NKAIN2: variants seen among roughly 807,000 people sequenced by gnomAD.
NKAIN2 encodes sodium/potassium transporting ATPase interacting 2.
In NKAIN2, 14 loss-of-function variants were observed where a neutral mutation model predicts 32.6. The observed-to-expected ratio is 0.43, with a 90% CI of 0.28 to 0.67. The LOEUF (loss-of-function observed/expected upper bound fraction) is 0.67, where lower values mean the gene tolerates loss of function less well. NKAIN2 is among the 30% of genes least tolerant of loss of function. The pLI is 0.17. For synonymous variants in NKAIN2, 80 were observed against 87.2 expected, an observed-to-expected ratio of 0.92 and a Z score of 0.46; for missense variants, 198 against 258.3, an observed-to-expected ratio of 0.77 and a Z score of 1.60.
chr6:124,424,834 A>T lies in NKAIN2; in HGVS notation c.273+69487A>T, dbSNP rs143807422. Among the ~76,000 whole-genome samples, 849 of 152,242 alleles carry T rather than the reference A, an allele frequency of 5.6e-3. 1 individual carries two copies. Among genetic ancestry groups the T allele is most frequent in the Middle Eastern group, 0.02 (6 of 294 alleles). On this transcript the variant is annotated intron_variant, in intron 3 of 6. Transcript: ENST00000368417. ...TATGATGCACACAGCTTATTTCCTT[A>T]TCTTGGCTATTGTGAATAATACTGC...
At chr6:124,662,817 C>A (rs1784796290) in intron 4 of NKAIN2, among the ~76,000 whole-genome samples, 1 of 152,092 alleles carries the variant, frequency 6.6e-6, no homozygotes, top group Non-Finnish European at 1.5e-5. Context: ...CTGTTTGATG[C>A]CTCTTTTAAT....
intron 3 of NKAIN2, among the ~76,000 whole-genome samples, chr6:124,369,559 C>T (rs1410398801): frequency 6.6e-6 from 1 of 152,088 alleles, no homozygotes; most frequent in Admixed American, 6.6e-5. Flanking sequence ...GTTTTCAGCT[C>T]ATCAGCTATA....
At chr6:123,977,334 A>G (rs751178889) in intron 1 of NKAIN2, among the ~76,000 whole-genome samples, 7 of 152,164 alleles carry the variant, frequency 4.6e-5, no homozygotes, top group Non-Finnish European at 8.8e-5. Context: ...TCACTTGAAC[A>G]CAGGAATTTG....
At chr6:124,184,657 T>A (rs1398226652) in intron 1 of NKAIN2, among the ~76,000 whole-genome samples, 1 of 152,194 alleles carries the variant, frequency 6.6e-6, no homozygotes, top group Non-Finnish European at 1.5e-5. Flanking sequence ...ATTGATTGAT[T>A]TAATTCTGGG....
At chr6:124,261,883 T>A (rs181734876) in intron 1 of NKAIN2, among the ~76,000 whole-genome samples, 1,728 of 144,008 alleles carry the variant, frequency 0.012, 32 homozygotes, top group South Asian at 0.043. Flanking sequence ...AAAAAAAAAA[T>A]TTTGAAATGG....
chr6:124,641,015 C>T (rs1783966252), intron 3 of NKAIN2, among the ~76,000 whole-genome samples: 5 of 152,160 alleles, frequency 3.3e-5, no homozygotes, highest in Admixed American at 3.3e-4. Flanking sequence ...ATATGCACTT[C>T]TTGAGAAGGA....
chr6:124,732,634 G>A (rs1776739346), intron 4 of NKAIN2, among the ~76,000 whole-genome samples: 1 of 151,948 alleles, frequency 6.6e-6, no homozygotes, highest in African/African-American at 2.4e-5. Flanking sequence ...AATAGAACTG[G>A]TGAAATCTGA....
At chr6:124,239,043 G>C (rs1169311249) in intron 1 of NKAIN2, among the ~76,000 whole-genome samples, 1 of 151,988 alleles carries the variant, frequency 6.6e-6, no homozygotes. Context: ...ACACACATAG[G>C]CTCAAAATAA....
chr6:124,325,878 T>C (rs960003410), intron 2 of NKAIN2, among the ~76,000 whole-genome samples: 7 of 152,112 alleles, frequency 4.6e-5, no homozygotes, highest in African/African-American at 1.7e-4. Flanking sequence ...TAAAAAGCAA[T>C]ACTTTTACTA....
chr6:124,020,861 A>T (rs1780830345), intron 1 of NKAIN2, among the ~76,000 whole-genome samples: 1 of 152,164 alleles, frequency 6.6e-6, no homozygotes, highest in African/African-American at 2.4e-5. Context: ...CTTAAAGAAG[A>T]CATAAACAGA....
At chr6:124,077,411 T>C (rs1783742478) in intron 1 of NKAIN2, among the ~76,000 whole-genome samples, 1 of 152,164 alleles carries the variant, frequency 6.6e-6, no homozygotes, top group Non-Finnish European at 1.5e-5. Context: ...AGAGACTTGA[T>C]AGAAATGTGA....
At chr6:124,558,802 A>G (rs1583437393) in intron 3 of NKAIN2, among the ~76,000 whole-genome samples, 1 of 152,164 alleles carries the variant, frequency 6.6e-6, no homozygotes, top group East Asian at 1.9e-4. Flanking sequence ...ACAAAAAATT[A>G]GCCGGGCATG....
intron 2 of NKAIN2, among the ~76,000 whole-genome samples, chr6:124,348,030 T>C (rs1401682497): frequency 1.3e-5 from 2 of 152,226 alleles, no homozygotes; most frequent in Non-Finnish European, 2.9e-5. Context: ...ATGTCCTTTC[T>C]GTTTGTTAGT....
At chr6:123,896,890 A>G (rs150994781) in intron 1 of NKAIN2, among the ~76,000 whole-genome samples, 1 of 152,168 alleles carries the variant, frequency 6.6e-6, no homozygotes, top group Non-Finnish European at 1.5e-5. Flanking sequence ...AACTCAAAAG[A>G]TATAATTTTT....
intron 3 of NKAIN2, among the ~76,000 whole-genome samples, chr6:124,559,442 T>C (rs554497156): frequency 2.0e-5 from 3 of 152,274 alleles, no homozygotes; most frequent in African/African-American, 7.2e-5. Context: ...CCTTCAGCGA[T>C]AGACGATTCC....
intron 5 of NKAIN2, among the ~76,000 whole-genome samples, chr6:124,793,493 A>T (rs1014527299): frequency 2.6e-5 from 4 of 152,130 alleles, no homozygotes; most frequent in African/African-American, 9.7e-5. Context: ...GTTGATTTTC[A>T]TATGGAAGTT....
chr6:124,268,556 T>C (rs144098115), intron 1 of NKAIN2, among the ~76,000 whole-genome samples: 335 of 152,218 alleles, frequency 2.2e-3, no homozygotes, highest in African/African-American at 7.7e-3. Flanking sequence ...TACTTACATA[T>C]TTTTATTAGC....
At chr6:124,729,088 T>A (rs1776503371) in intron 4 of NKAIN2, among the ~76,000 whole-genome samples, 1 of 151,542 alleles carries the variant, frequency 6.6e-6, no homozygotes, top group African/African-American at 2.4e-5. Flanking sequence ...CCAAAAAGAG[T>A]CCAGGACCAG....
At position 124,480,402 on chromosome 6, in the gene NKAIN2, C is replaced by T. The variant is rs752587228; in HGVS notation, c.273+125055C>T. Among the ~76,000 whole-genome samples, 10 of 152,142 alleles carry T rather than the reference C, an allele frequency of 6.6e-5. No homozygotes were observed. In the East Asian group the frequency reaches 9.7e-4, roughly 15 times the overall value. On this transcript the variant is annotated intron_variant, in intron 3 of 6. Transcript: ENST00000368417. Reference sequence around the variant, plus strand: ...TTCTAAGTGTGTTAGGAAAAGCCTACGGTATGTGGCAAGGAAATGACATGA... The same window carrying T: ...TTCTAAGTGTGTTAGGAAAAGCCTATGGTATGTGGCAAGGAAATGACATGA...
Sources: gnomAD v4.1 joint callset for allele counts (sites outside exome capture counted in the v4.1 genomes callset) on GRCh38, gnomAD v4.1.1 for gene constraint, MANE v1.5 for transcripts, NCBI Gene and HGNC (gene_info 2026-07-23, HGNC 2026-07-21) for gene names.